Variants in DAB1 observed in about 807,000 individuals in gnomAD.
The protein encoded by DAB1 is DAB adaptor protein 1.
DAB1 carries 15 observed loss-of-function variants against 64.6 expected under a neutral mutation model. The ratio of observed to expected loss-of-function variants is 0.23; its 90% CI spans 0.16 to 0.36. The LOEUF (loss-of-function observed/expected upper bound fraction) is 0.36, where lower values mean the gene tolerates loss of function less well. Ranked by LOEUF, DAB1 falls within the 10% of genes least tolerant of loss-of-function variation. The pLI is 1.00. For synonymous variants in DAB1, 235 were observed against 251.9 expected (o/e 0.93, Z 0.64); for missense variants, 596 against 706.7 (o/e 0.84, Z 1.78).
intron 3 of DAB1, among the ~76,000 whole-genome samples, chr1:58,430,956 T>C (rs997864346): frequency 9.2e-5 from 14 of 152,318 alleles, no homozygotes; most frequent in Non-Finnish European, 1.8e-4. Context: ...GCAGATGCCA[T>C]TAGCATTCCC....
rs1440100437 is a variant in DAB1 at position 58,128,444 on chromosome 1, C to G, written n.387+22067G>C. 3.8e-5 allele frequency among the ~76,000 whole-genome samples: 5 copies of G among 133,056 alleles called. 1 individual carries two copies. Among genetic ancestry groups the G allele is most frequent in the Non-Finnish European group, 6.3e-5 (4 of 63,854 alleles). 87.3% of individuals were successfully genotyped at this position (133,056 alleles called of 152,430 possible). A position where few individuals can be genotyped will look rare whatever the true frequency, so the allele number is the denominator to read the frequency against. On this transcript the variant is annotated intron_variant and non_coding_transcript_variant, in intron 5 of 20. Coordinates refer to the DAB1 transcript ENST00000485760. ...ACTTCCTCTTTTCCTAATTGAATACCCTTTATTTCCTTCTGCCTAATTGCC... is the reference window on the plus strand; with the variant it reads ...ACTTCCTCTTTTCCTAATTGAATACGCTTTATTTCCTTCTGCCTAATTGCC...
chr1:58,462,619 A>G (rs1210688881), intron 3 of DAB1: 1 of 152,168 alleles, frequency 6.6e-6, no homozygotes, highest in Non-Finnish European at 1.5e-5. Context: ...AGAAAATCAG[A>G]TATGTGGTCA....
rs140932745 is a variant in DAB1 at position 57,919,461 on chromosome 1, C to T, written n.388-35299G>A. Among the ~76,000 whole-genome samples, 84 of 152,310 alleles carry T rather than the reference C, an allele frequency of 5.5e-4. 1 individual carries two copies. In the South Asian group the frequency reaches 7.0e-3, roughly 13 times the overall value. On this transcript the variant is annotated intron_variant and non_coding_transcript_variant, in intron 5 of 20. Coordinates refer to the DAB1 transcript ENST00000485760. ...ACATGTGAAAGGCATTCCAAACACA[C>T]CCTGGGGTCAGAGGCAGTCAGGGAT...
chr1:57,418,019 A>C (rs1684619749), intron 1 of DAB1, among the ~76,000 whole-genome samples: 1 of 151,950 alleles, frequency 6.6e-6, no homozygotes, highest in Non-Finnish European at 1.5e-5. Context: ...AGCTGTATAC[A>C]TATTTTCCAT....
chr1:58,413,475 T>C (rs149817027), intron 3 of DAB1, among the ~76,000 whole-genome samples: 18 of 152,306 alleles, frequency 1.2e-4, no homozygotes, highest in African/African-American at 4.3e-4. Context: ...TTGGGTGACC[T>C]TCTCCCAAAG....
chr1:57,649,968 G>C (rs1457146957), intron 6 of DAB1, among the ~76,000 whole-genome samples: 1 of 152,118 alleles, frequency 6.6e-6, no homozygotes, highest in African/African-American at 2.4e-5. Flanking sequence ...ATACACAAAA[G>C]AGTCTAAGAA....
chr1:58,473,760 A>AC (rs569332572), intron 3 of DAB1: 1 of 509,910 alleles, frequency 2.0e-6, no homozygotes, highest in Admixed American at 2.8e-5. Flanking sequence ...AGCCCTAATG[A>AC]CCCCATCTCC....
intron 3 of DAB1, among the ~76,000 whole-genome samples, chr1:58,395,510 A>G (rs781323253): frequency 3.3e-5 from 5 of 152,216 alleles, no homozygotes; most frequent in African/African-American, 4.8e-5. Flanking sequence ...GCTATATCCA[A>G]GAGGCCAGTG....
chr1:57,546,130 G>A (rs1248196901), intron 7 of DAB1, among the ~76,000 whole-genome samples: 1 of 151,624 alleles, frequency 6.6e-6, no homozygotes, highest in Non-Finnish European at 1.5e-5. Flanking sequence ...TAGAAGTTGG[G>A]GGACAGATAA....
intron 5 of DAB1, among the ~76,000 whole-genome samples, chr1:57,913,531 T>C (rs889140534): frequency 4.9e-4 from 74 of 152,310 alleles, no homozygotes; most frequent in Non-Finnish European, 3.4e-4. Flanking sequence ...GACATAGGCA[T>C]GGGCAAGGAC....
chr1:58,492,959 A>AC lies in DAB1; in HGVS notation n.257+13100dup, dbSNP rs972186280. Among the ~76,000 whole-genome samples, 824 of 152,278 alleles carry AC rather than the reference A, an allele frequency of 5.4e-3. 6 individuals carry two copies. Among genetic ancestry groups the AC allele is most frequent in the African/African-American group, 0.019 (787 of 41,550 alleles). ...GATACCAAAGCCTGGCAGAGACACA[A>AC]CAAAAAAAGAGAATTTTAGACCAAT... On this transcript the variant is annotated intron_variant and non_coding_transcript_variant, in intron 3 of 20. Coordinates refer to the DAB1 transcript ENST00000485760.
rs1557922961 is a variant in DAB1 at position 57,199,738 on chromosome 1, G to A, written c.68-54309C>T. On this transcript the variant is annotated intron_variant, in intron 2 of 14. Transcript: ENST00000371236. Reference sequence around the variant, plus strand: ...GTCCGAGGCCCAACTGCAACCCCATGACCAGCTCTGTGACCTTGAGTCAAT... The same window carrying A: ...GTCCGAGGCCCAACTGCAACCCCATAACCAGCTCTGTGACCTTGAGTCAAT... Among the ~76,000 whole-genome samples, 3 of 152,282 alleles carry A rather than the reference G, an allele frequency of 2.0e-5. No homozygotes were observed. The South Asian group carries it at 6.2e-4, about 32-fold the overall frequency.
At chr1:57,687,291 T>C (rs1028756945) in intron 6 of DAB1, among the ~76,000 whole-genome samples, 1 of 151,780 alleles carries the variant, frequency 6.6e-6, no homozygotes, top group African/African-American at 2.4e-5. Flanking sequence ...CCATTTACAA[T>C]AGCCATAAAA....
chr1:57,300,398 G>A (rs1427580748), intron 1 of DAB1, among the ~76,000 whole-genome samples: 1 of 152,140 alleles, frequency 6.6e-6, no homozygotes, highest in Non-Finnish European at 1.5e-5. Flanking sequence ...GATGCTACAG[G>A]GTGGAGCAAG....
chr1:57,083,666 A>G (rs1652779050), intron 4 of DAB1, among the ~76,000 whole-genome samples: 1 of 152,248 alleles, frequency 6.6e-6, no homozygotes, highest in South Asian at 2.1e-4. Flanking sequence ...ACTAAAATGC[A>G]GCCAATGGAA....
chr1:57,634,875 G>A (rs1217392003), intron 7 of DAB1, among the ~76,000 whole-genome samples: 1 of 152,220 alleles, frequency 6.6e-6, no homozygotes, highest in Non-Finnish European at 1.5e-5. Context: ...TGGCAATGGG[G>A]TGGGGAGGGT....
At chr1:57,145,172 G>A in intron 3 of DAB1, 118 bp downstream of exon 3, 1 of 1,027,878 alleles carries the variant, frequency 9.7e-7, no homozygotes, top group Non-Finnish European at 1.4e-6. Context: ...TGATTCAACA[G>A]TAAGCCAAGT....
intron 3 of DAB1, among the ~76,000 whole-genome samples, chr1:58,388,293 A>G (rs983112806): frequency 6.6e-6 from 1 of 152,184 alleles, no homozygotes; most frequent in Non-Finnish European, 1.5e-5. Context: ...AAATCCTAAC[A>G]TCCCAGATTC....
At chr1:58,321,447 C>T (rs144389541) in intron 4 of DAB1, among the ~76,000 whole-genome samples, 5,727 of 152,328 alleles carry the variant, frequency 0.038, 165 homozygotes, top group Middle Eastern at 0.062. Context: ...CAAGCCGAAG[C>T]AGGGCGAGGC....
Sources: allele counts gnomAD v4.1 joint callset (sites outside exome capture counted in the v4.1 genomes callset), GRCh38; gene constraint gnomAD v4.1.1; transcripts MANE v1.5; gene names NCBI Gene and HGNC (gene_info 2026-07-23, HGNC 2026-07-21).